PCDH15: variants seen among roughly 807,000 people sequenced by gnomAD.
PCDH15 encodes the protein protocadherin-15.
A neutral mutation model predicts 178.5 loss-of-function variants in PCDH15; 129 were observed. The ratio of observed to expected loss-of-function variants is 0.72; its 90% CI spans 0.63 to 0.84. PCDH15 has a LOEUF of 0.84. PCDH15 is among the 40% of genes least tolerant of loss of function. The pLI is 0.00. For missense variants in PCDH15, 2,230 were observed against 2,099.9 expected, an observed-to-expected ratio of 1.06 and a Z score of -1.21; for synonymous variants, 800 against 732.0, an observed-to-expected ratio of 1.09 and a Z score of -1.50.
At chr10:55,310,861 C>T (rs1843568450) in intron 1 of PCDH15, among the ~76,000 whole-genome samples, 1 of 152,116 alleles carries the variant, frequency 6.6e-6, no homozygotes, top group African/African-American at 2.4e-5. Flanking sequence ...ATATCATACA[C>T]TGAGGACTGT....
intron 2 of PCDH15, among the ~76,000 whole-genome samples, chr10:55,585,477 G>C (rs1179910878): frequency 2.6e-5 from 4 of 152,118 alleles, no homozygotes; most frequent in Admixed American, 6.6e-5. Context: ...AGGAGTTCAA[G>C]ACTAGCCTGG....
chr10:54,764,615 T>C (rs1566169967), intron 1 of PCDH15, among the ~76,000 whole-genome samples: 1 of 152,156 alleles, frequency 6.6e-6, no homozygotes, highest in Non-Finnish European at 1.5e-5. Context: ...TCATGTAGCA[T>C]AGGGTAAACC....
chr10:55,256,298 C>A (rs529216798), intron 1 of PCDH15, among the ~76,000 whole-genome samples: 1 of 152,068 alleles, frequency 6.6e-6, no homozygotes, highest in Non-Finnish European at 1.5e-5. Flanking sequence ...CCAGTGTGAG[C>A]GAGGCAGAAG....
chr10:54,730,454 T>C (rs1178741731), intron 1 of PCDH15, among the ~76,000 whole-genome samples: 1 of 151,500 alleles, frequency 6.6e-6, no homozygotes, highest in African/African-American at 2.4e-5. Flanking sequence ...CTATGCTCAT[T>C]ACCCAAGTGA....
rs762352309 is a variant in PCDH15 at position 54,435,982 on chromosome 10, GAAAGAAAAGA to G, written c.158-57050_158-57041del. On this transcript the variant is annotated intron_variant, in intron 3 of 37. Transcript: ENST00000644397. ...GAGACTCCATCTTAAAAAAATGAAAGAAAGAAAAGAAAAGAAAAGAAGAGGAGAGGAGAGG... is the reference window on the plus strand; with the variant it reads ...GAGACTCCATCTTAAAAAAATGAAAGAAAGAAAAGAAGAGGAGAGGAGAGG... Among the ~76,000 whole-genome samples the G allele has an allele frequency of 3.0e-5, 4 of 134,588 alleles. No individual in the cohort carries two copies. The South Asian group carries it at 9.5e-4, about 32-fold the overall frequency. The allele number at this position is 134,588 out of a possible 152,430, so 88.3% of individuals were successfully genotyped here.
chr10:54,525,787 G>C (rs908040674), intron 3 of PCDH15, among the ~76,000 whole-genome samples: 3 of 152,168 alleles, frequency 2.0e-5, no homozygotes, highest in African/African-American at 4.8e-5. Context: ...GGGAAGTTTT[G>C]ATTGCCTAAA....
chr10:53,887,451 C>T (rs575956826), intron 26 of PCDH15, among the ~76,000 whole-genome samples: 57 of 152,144 alleles, frequency 3.7e-4, no homozygotes, highest in African/African-American at 1.4e-3. Flanking sequence ...AATCTTTTTC[C>T]TTTTCCTTTT....
At chr10:55,513,989 C>T (rs1046566272) in intron 2 of PCDH15, among the ~76,000 whole-genome samples, 14 of 151,894 alleles carry the variant, frequency 9.2e-5, no homozygotes, top group African/African-American at 2.9e-4. Context: ...ACTAGAGATC[C>T]ATGGGGCTGG....
intron 2 of PCDH15, among the ~76,000 whole-genome samples, chr10:55,380,994 A>G (rs1286630756): frequency 6.6e-6 from 1 of 152,158 alleles, no homozygotes; most frequent in African/African-American, 2.4e-5. Flanking sequence ...AAATGTTCTT[A>G]CCCAAGTGGT....
intron 15 of PCDH15, among the ~76,000 whole-genome samples, chr10:54,129,893 TATGGG>T (rs2042284517): frequency 6.6e-6 from 1 of 152,160 alleles, no homozygotes; most frequent in Non-Finnish European, 1.5e-5. Context: ...GTTACTATTT[TATGGG>T]ATGAGACGGC....
At chr10:54,299,350 C>G (rs2060010733) in intron 8 of PCDH15, among the ~76,000 whole-genome samples, 1 of 151,426 alleles carries the variant, frequency 6.6e-6, no homozygotes, top group Non-Finnish European at 1.5e-5. Context: ...AAGAGAGAGA[C>G]AGACAAGAAG....
At chr10:54,023,485 T>A in intron 18 of PCDH15, among the ~76,000 whole-genome samples, 1 of 149,782 alleles carries the variant, frequency 6.7e-6, no homozygotes, top group East Asian at 2.0e-4. Flanking sequence ...TGTCTTATGA[T>A]TTTAATAGGT....
chr10:55,622,736 T>C (rs181505940), intron 2 of PCDH15, among the ~76,000 whole-genome samples: 8 of 152,298 alleles, frequency 5.3e-5, no homozygotes, highest in East Asian at 1.9e-4. Flanking sequence ...ATCAAACTTT[T>C]AGTTGGCATA....
At position 54,044,129 on chromosome 10, in the gene PCDH15, G is replaced by C. The variant is rs77310310; in HGVS notation, c.2221-20932C>G. 3.8e-3 allele frequency among the ~76,000 whole-genome samples: 576 copies of C among 152,252 alleles called. 2 individuals carry two copies. Among genetic ancestry groups the C allele is most frequent in the African/African-American group, 0.013 (556 of 41,568 alleles). ...AGGATAGATCTTGATTATGTTGGAA[G>C]GGGTTGAAGGGAGAAAAGTACATCT... On this transcript the variant is annotated intron_variant, in intron 18 of 37. Transcript: ENST00000644397.
chr10:54,620,239 C>T (rs1432896275), intron 2 of PCDH15, among the ~76,000 whole-genome samples: 34 of 151,958 alleles, frequency 2.2e-4, no homozygotes, highest in African/African-American at 8.0e-4. Flanking sequence ...GAAAATAATA[C>T]TGTGAACCCA....
intron 20 of PCDH15, among the ~76,000 whole-genome samples, chr10:54,001,675 C>G (rs927285152): frequency 6.6e-6 from 1 of 151,882 alleles, no homozygotes; most frequent in African/African-American, 2.4e-5. Context: ...AACCATAAGA[C>G]AACCAGAAAG....
At chr10:55,270,531 T>C (rs1226722140) in intron 1 of PCDH15, among the ~76,000 whole-genome samples, 1 of 151,746 alleles carries the variant, frequency 6.6e-6, no homozygotes, top group East Asian at 1.9e-4. Context: ...GCCAATGAAC[T>C]TGAAAAAAAT....
intron 1 of PCDH15, among the ~76,000 whole-genome samples, chr10:54,698,150 A>T (rs1035378211): frequency 6.6e-6 from 1 of 152,160 alleles, no homozygotes; most frequent in African/African-American, 2.4e-5. Context: ...GAATTTAAGA[A>T]AGAAAGTTTA....
intron 2 of PCDH15, among the ~76,000 whole-genome samples, chr10:54,953,198 G>C (rs1361980487): frequency 6.6e-6 from 1 of 151,130 alleles, no homozygotes; most frequent in Admixed American, 6.6e-5. Context: ...TTTCCTCTTT[G>C]TTCATAATTT....
Sources: gnomAD v4.1 joint callset for allele counts (sites outside exome capture counted in the v4.1 genomes callset) on GRCh38, gnomAD v4.1.1 for gene constraint, MANE v1.5 for transcripts, NCBI Gene and HGNC (gene_info 2026-07-23, HGNC 2026-07-21) for gene names.